The following AIM2 variants were observed in gnomAD, a reference collection of about 807,000 sequenced individuals.
AIM2 encodes the protein absent in melanoma 2, also known as interferon-inducible protein AIM2.
Under a neutral mutation model 27.7 loss-of-function variants are expected in AIM2, and 30 were observed. The ratio of observed to expected loss-of-function variants is 1.08; its 90% CI spans 0.81 to 1.47. The LOEUF is 1.47. AIM2 is among the 40% of genes most tolerant of loss of function. AIM2 has a pLI of 0.00. For missense variants in AIM2, 358 were observed against 411.3 expected, an observed-to-expected ratio of 0.87 and a Z score of 1.12; for synonymous variants, 141 against 145.3, an observed-to-expected ratio of 0.97 and a Z score of 0.21.
intron 1 of AIM2, among the ~76,000 whole-genome samples, chr1:159,129,755 CT>C (rs991593183): frequency 6.6e-6 from 1 of 152,174 alleles, no homozygotes; most frequent in African/African-American, 2.4e-5. Flanking sequence ...ACTAAACTAT[CT>C]ATTGATTACT....
At chr1:159,087,681 T>A (rs966928781) in intron 1 of AIM2, among the ~76,000 whole-genome samples, 1 of 151,332 alleles carries the variant, frequency 6.6e-6, no homozygotes, top group African/African-American at 2.4e-5. Context: ...CAAGCGATTC[T>A]CATGCTTCAG....
intron 1 of AIM2, among the ~76,000 whole-genome samples, chr1:159,137,076 A>G (rs912905605): frequency 1.3e-5 from 2 of 152,192 alleles, no homozygotes; most frequent in African/African-American, 4.8e-5. Flanking sequence ...TTTGCCTTTT[A>G]ACATAGAAAC....
At chr1:159,113,564 G>A (rs192994755) in intron 1 of AIM2, among the ~76,000 whole-genome samples, 207 of 152,224 alleles carry the variant, frequency 1.4e-3, no homozygotes, top group African/African-American at 4.7e-3. Flanking sequence ...GTTTAAAATC[G>A]GACTACCTAC....
Position 159,101,787 on chromosome 1 carries a change from T to G in AIM2, c.-15-35458A>C, listed in dbSNP as rs192654055. Among the ~76,000 whole-genome samples, 36 of 152,230 alleles carry G rather than the reference T, an allele frequency of 2.4e-4. No homozygotes were observed. In the East Asian group the frequency reaches 6.7e-3, roughly 29 times the overall value. On this transcript the variant is annotated intron_variant, in intron 1 of 2. Transcript: ENST00000368129. ...CCTAGAGATCTGTGGAACTTTGAAC[T>G]TAAGAGAGATGATTTAGGGTATCTG... is the stretch of plus-strand genomic sequence containing the variant.
At chr1:159,093,462 T>C (rs1489847291) in intron 1 of AIM2, among the ~76,000 whole-genome samples, 1 of 152,174 alleles carries the variant, frequency 6.6e-6, no homozygotes, top group Non-Finnish European at 1.5e-5. Context: ...CTATTAATTT[T>C]GAAGACACAT....
At chr1:159,118,463 T>G (rs1647442698) in intron 1 of AIM2, among the ~76,000 whole-genome samples, 1 of 152,174 alleles carries the variant, frequency 6.6e-6, no homozygotes, top group Non-Finnish European at 1.5e-5. Context: ...AAGGCAGTGA[T>G]GTTACTTCAT....
chr1:159,097,641 G>A (rs1657205537), intron 1 of AIM2, among the ~76,000 whole-genome samples: 2 of 152,106 alleles, frequency 1.3e-5, no homozygotes, highest in Admixed American at 6.5e-5. Flanking sequence ...GAGTAATCTT[G>A]GTCAAGTCCC....
chr1:159,117,151 A>G (rs1647378529), intron 1 of AIM2, among the ~76,000 whole-genome samples: 1 of 152,360 alleles, frequency 6.6e-6, no homozygotes, highest in South Asian at 2.1e-4. Flanking sequence ...AGGGCAAAAC[A>G]TCTTGGAAGG....
chr1:159,083,440 A>G (rs774064207), intron 1 of AIM2, among the ~76,000 whole-genome samples: 4 of 152,242 alleles, frequency 2.6e-5, no homozygotes, highest in Non-Finnish European at 5.9e-5. Flanking sequence ...GTGGTAAGGT[A>G]TGAGGCAGGG....
At chr1:159,096,836 G>T (rs1657191704) in intron 1 of AIM2, among the ~76,000 whole-genome samples, 1 of 152,074 alleles carries the variant, frequency 6.6e-6, no homozygotes, top group Non-Finnish European at 1.5e-5. Context: ...GAGGGTGAAG[G>T]ATGATGGGGG....
At chr1:159,137,390 C>T (rs1210834401) in intron 1 of AIM2, among the ~76,000 whole-genome samples, 1 of 152,138 alleles carries the variant, frequency 6.6e-6, no homozygotes, top group African/African-American at 2.4e-5. Context: ...GGCGTGGTGG[C>T]TCACACCTGT....
intron 1 of AIM2, among the ~76,000 whole-genome samples, chr1:159,122,776 T>C (rs1189979899): frequency 6.6e-6 from 1 of 152,188 alleles, no homozygotes; most frequent in Non-Finnish European, 1.5e-5. Context: ...TAATGTGTTC[T>C]CTTGATAGGC....
At chr1:159,058,456 C>T (rs916276393), downstream of AIM2, among the ~76,000 whole-genome samples, 4 of 151,824 alleles carry the variant, frequency 2.6e-5, no homozygotes, top group Non-Finnish European at 5.9e-5. Context: ...ACCTGGGGCA[C>T]CTTGGGATGT....
At chr1:159,088,782 G>A (rs1656980744) in intron 1 of AIM2, among the ~76,000 whole-genome samples, 1 of 152,140 alleles carries the variant, frequency 6.6e-6, no homozygotes, top group African/African-American at 2.4e-5. Context: ...GCCTCTCCAT[G>A]TGATGCTCTC....
chr1:159,134,709 G>C (rs1183544508), intron 1 of AIM2, among the ~76,000 whole-genome samples: 1 of 152,186 alleles, frequency 6.6e-6, no homozygotes, highest in African/African-American at 2.4e-5. Context: ...GCAGATGCCT[G>C]TAATCCCAGT....
At chr1:159,104,003 G>A (rs1283010294) in intron 1 of AIM2, among the ~76,000 whole-genome samples, 1 of 151,766 alleles carries the variant, frequency 6.6e-6, no homozygotes, top group Non-Finnish European at 1.5e-5. Flanking sequence ...TTCTGATCTA[G>A]TAAGCAGAAA....
At chr1:159,102,219 C>T (rs1432142076) in intron 1 of AIM2, among the ~76,000 whole-genome samples, 1 of 152,222 alleles carries the variant, frequency 6.6e-6, no homozygotes, top group Non-Finnish European at 1.5e-5. Flanking sequence ...AGCTCCAAGC[C>T]TTGGTAGCTT....
intron 1 of AIM2, among the ~76,000 whole-genome samples, chr1:159,097,792 A>T (rs1379139758): frequency 1.3e-5 from 2 of 152,202 alleles, no homozygotes; most frequent in African/African-American, 4.8e-5. Flanking sequence ...ACAAACTATA[A>T]GTATTAATTC....
chr1:159,138,156 C>A (rs1557917315), intron 1 of AIM2, among the ~76,000 whole-genome samples: 1 of 152,044 alleles, frequency 6.6e-6, no homozygotes. Context: ...AAATAATGGA[C>A]CTAACAAGGC....
Sources: allele counts gnomAD v4.1 joint callset (sites outside exome capture counted in the v4.1 genomes callset), GRCh38; gene constraint gnomAD v4.1.1; transcripts MANE v1.5; gene names NCBI Gene and HGNC (gene_info 2026-07-23, HGNC 2026-07-21).